The following ITGB2 variants were observed in gnomAD, a reference collection of about 807,000 sequenced individuals.
ITGB2 encodes the protein integrin beta-2.
In ITGB2, 56 loss-of-function variants were observed where a neutral mutation model predicts 86.8. The ratio of observed to expected loss-of-function variants is 0.65; its 90% CI spans 0.52 to 0.81. The LOEUF (loss-of-function observed/expected upper bound fraction) is 0.81. ITGB2 is among the 30% of genes least tolerant of loss of function. The pLI is 0.00. For missense variants in ITGB2, 948 were observed against 1,061.2 expected, an observed-to-expected ratio of 0.89 and a Z score of 1.48; for synonymous variants, 457 against 450.4, an observed-to-expected ratio of 1.01 and a Z score of -0.19.
intron 6 of ITGB2, among the ~76,000 whole-genome samples, chr21:44,900,844 A>G (rs2083945460): frequency 6.6e-6 from 1 of 152,238 alleles, no homozygotes; most frequent in East Asian, 1.9e-4. Flanking sequence ...ACATGGAGGA[A>G]AACGAGCCTG....
chr21:44,889,500 A>T lies in ITGB2; in HGVS notation c.1658-5T>A. ...CGCAGAAGCAGAGCCCCCTCCCTGG[A>T]AGACGGGGCAGCACGGCTAAGCTCC... On this transcript the variant is annotated splice_polypyrimidine_tract_variant and splice_region_variant and intron_variant, in intron 12 of 15. Transcript: ENST00000652462. 1 of 1,556,802 alleles carries T rather than the reference A, an allele frequency of 6.4e-7. No homozygotes were observed. The highest frequency in any genetic ancestry group is 1.2e-5 in the South Asian group (1 of 85,342).
chr21:44,893,220 C>T, intron 10 of ITGB2, 184 bp downstream of exon 10: 1 of 650,176 alleles, frequency 1.5e-6, no homozygotes, highest in Non-Finnish European at 2.7e-6. Flanking sequence ...CTGCCTGCTC[C>T]CAGACAGCCT....
chr21:44,903,865 C>G (rs1208350001), intron 4 of ITGB2, among the ~76,000 whole-genome samples: 1 of 152,164 alleles, frequency 6.6e-6, no homozygotes, highest in Admixed American at 6.5e-5. Flanking sequence ...GGGCTCACAC[C>G]TAACCCGGCC....
At chr21:44,910,991 G>A in intron 1 of ITGB2, 1 of 599,798 alleles carries the variant, frequency 1.7e-6, no homozygotes, top group Non-Finnish European at 3.0e-6. Context: ...AGCAGTGCGG[G>A]CAGCACACCT....
chr21:44,906,868 T>A, intron 4 of ITGB2, 47 bp downstream of exon 4: 3 of 1,605,866 alleles, frequency 1.9e-6, no homozygotes, highest in Admixed American at 3.3e-5. Flanking sequence ...CCAGAGCCAA[T>A]AACCAGCACA....
At chr21:44,912,745 C>G (rs1301038086) in intron 1 of ITGB2, among the ~76,000 whole-genome samples, 1 of 152,122 alleles carries the variant, frequency 6.6e-6, no homozygotes, top group African/African-American at 2.4e-5. Context: ...CCCACCAGCC[C>G]CTCAGCTGAT....
At position 44,910,302 on chromosome 21, in the gene ITGB2, GCAGCCGGGCC is replaced by G; in HGVS notation, c.119_128del (p.Gly40AlafsTer7). 1 of 1,614,104 alleles carries G rather than the reference GCAGCCGGGCC, an allele frequency of 6.2e-7. No homozygotes were observed. Among genetic ancestry groups the G allele is most frequent in the Non-Finnish European group, 8.5e-7 (1 of 1,180,018 alleles). On this transcript the variant is annotated frameshift_variant, in exon 3 of 16. Coordinates refer to ENST00000652462, the MANE Select transcript of ITGB2 (RefSeq NM_000211.5). LOFTEE classifies it high-confidence loss of function. ...CACTTACCAGCTTCTGGCACCAGGT[GCAGCCGGGCC>G]CCGACTCGATGCATTCCCGGCAGCT...
intron 1 of ITGB2, among the ~76,000 whole-genome samples, chr21:44,918,876 C>T (rs1054761941): frequency 1.2e-4 from 12 of 96,036 alleles, no homozygotes; most frequent in Non-Finnish European, 1.8e-4. Flanking sequence ...CCAGCCCAGC[C>T]CACGCCCACC....
chr21:44,910,904 G>C, intron 1 of ITGB2, 119 bp from the exon 2 acceptor site: 7 of 984,608 alleles, frequency 7.1e-6, no homozygotes, highest in Non-Finnish European at 1.1e-5. Context: ...CTGCTGCAGG[G>C]GGTGGGTTAG....
intron 4 of ITGB2, among the ~76,000 whole-genome samples, chr21:44,904,215 C>T (rs973538366): frequency 2.0e-5 from 3 of 152,100 alleles, no homozygotes; most frequent in African/African-American, 4.8e-5. Context: ...CCCCCCTGGG[C>T]GGCAGGACAA....
At chr21:44,890,922 G>A (rs561564628) in intron 11 of ITGB2, among the ~76,000 whole-genome samples, 1 of 152,066 alleles carries the variant, frequency 6.6e-6, no homozygotes, top group South Asian at 2.1e-4. Flanking sequence ...CAGTGGGCGG[G>A]GTGGCCACTG....
rs377183547 is a variant in ITGB2 at position 44,927,242 on chromosome 21, G to A, written c.-4+1412C>T. ...AAGAAAGATGCTAAGGATGGAGAGG[G>A]CCAGTGGGGAGAGGGTGGTTCCAGG... On this transcript the variant is annotated intron_variant, in intron 1 of 15. Transcript: ENST00000355153. Among the ~76,000 whole-genome samples, 74 of 152,314 alleles carry A rather than the reference G, an allele frequency of 4.9e-4. No homozygotes were observed. The East Asian group carries it at 7.1e-3, about 15-fold the overall frequency.
chr21:44,893,465 T>C lies in ITGB2; in HGVS notation c.1163A>G (p.Asn388Ser). ...LKVTYDSFCS[N>S]GVTHRNQPRG... ...GGGCTGGTTCCTGTGCGTCACTCCA[T>C]TGCTGCAGAAGGAGTCGTAGGTGAC... Residue 388 changes from asparagine to serine, a missense_variant, in exon 10 of 16, where the codon AAT (asparagine) becomes AGT (serine). Physicochemically the swap from Asn to Ser is conservative, Grantham distance 46. Coordinates refer to ENST00000652462, the MANE Select transcript of ITGB2 (RefSeq NM_000211.5). 1 of 1,614,128 alleles carries C rather than the reference T, an allele frequency of 6.2e-7. No individual in the cohort carries two copies. Among genetic ancestry groups the C allele is most frequent in the Non-Finnish European group, 8.5e-7 (1 of 1,179,986 alleles).
chr21:44,891,177 G>A (rs759664539), intron 11 of ITGB2, among the ~76,000 whole-genome samples: 21 of 152,198 alleles, frequency 1.4e-4, no homozygotes, highest in Non-Finnish European at 1.9e-4. Context: ...TCCAGCCCCC[G>A]GGCAGGCCGC....
upstream of ITGB2, among the ~76,000 whole-genome samples, chr21:44,923,970 G>A (rs2084340937): frequency 6.6e-6 from 1 of 152,136 alleles, no homozygotes; most frequent in Non-Finnish European, 1.5e-5. Flanking sequence ...TGCATCAAAT[G>A]GACAAAGGAA....
At chr21:44,927,905 G>T (rs1601350595) in intron 1 of ITGB2, 1 of 152,420 alleles carries the variant, frequency 6.6e-6, no homozygotes, top group East Asian at 1.9e-4. Flanking sequence ...ACCAGGCTGG[G>T]TGCAATGCAG....
At chr21:44,921,551 G>A (rs186202576), upstream of ITGB2, among the ~76,000 whole-genome samples, 18 of 151,920 alleles carry the variant, frequency 1.2e-4, no homozygotes, top group African/African-American at 3.6e-4. Context: ...CACAGAACAC[G>A]AAAGGGAAAA....
At chr21:44,890,736 T>G (rs1009743080) in intron 11 of ITGB2, among the ~76,000 whole-genome samples, 6 of 152,140 alleles carry the variant, frequency 3.9e-5, no homozygotes, top group Non-Finnish European at 5.9e-5. Context: ...ACACACACCC[T>G]GAGGCATCCT....
intron 10 of ITGB2, chr21:44,893,088 T>C (rs1325073598): frequency 1.1e-5 from 4 of 357,202 alleles, no homozygotes; most frequent in Non-Finnish European, 1.6e-5. Flanking sequence ...CAGCACCCTC[T>C]CACTGAGAAG....
Sources: allele counts gnomAD v4.1 joint callset (sites outside exome capture counted in the v4.1 genomes callset), GRCh38; gene constraint gnomAD v4.1.1; transcripts MANE v1.5; gene names NCBI Gene and HGNC (gene_info 2026-07-23, HGNC 2026-07-21).